Variants in PXT1 observed in about 807,000 individuals in gnomAD.
PXT1 encodes peroxisomal testis enriched protein 1.
Under a neutral mutation model 11.0 loss-of-function variants are expected in PXT1, and 11 were observed. The ratio of observed to expected loss-of-function variants is 1.00; its 90% confidence interval spans 0.63 to 1.66. The LOEUF is 1.66. Ranked by LOEUF, PXT1 falls within the 40% of genes most tolerant of loss-of-function variation. The probability of loss-of-function intolerance (pLI) is 0.00; values close to 1 mark genes in which losing one functional copy is unlikely to be tolerated. For synonymous variants in PXT1, 43 were observed against 51.4 expected, an observed-to-expected ratio of 0.84 and a Z score of 0.70; for missense variants, 141 against 155.5, an observed-to-expected ratio of 0.91 and a Z score of 0.49.
At chr6:36,417,943 T>A (rs578062058) in intron 3 of PXT1, among the ~76,000 whole-genome samples, 79 of 152,236 alleles carry the variant, frequency 5.2e-4, no homozygotes, top group African/African-American at 1.7e-3. Context: ...ATGCCTGTAA[T>A]CCCAGCACTC....
In PXT1 at chr6:36,442,826, G is replaced by C. The variant is rs1774899594; in HGVS notation, c.-421C>G. The C allele has an allele frequency of 6.6e-6, 1 of 152,206 alleles. No homozygotes were observed. The highest frequency in any genetic ancestry group is 1.5e-5 in the Non-Finnish European group (1 of 68,028). 9.4% of individuals were successfully genotyped at this position (152,206 alleles called of 1,614,324 possible). On this transcript the variant is annotated 5_prime_UTR_variant, in exon 1 of 5. Coordinates refer to ENST00000454782, the MANE Select transcript of PXT1 (RefSeq NM_152990.4). ...GGGTATGCGCAACTCAGAAAAGTGC[G>C]CCCGCTGAGGTTGGGTGCAGAGTGG... is the stretch of plus-strand genomic sequence containing the variant.
chr6:36,394,997 G>T (rs1017082859), intron 4 of PXT1, among the ~76,000 whole-genome samples: 2 of 151,300 alleles, frequency 1.3e-5, no homozygotes, highest in Non-Finnish European at 1.5e-5. Flanking sequence ...GTAGAGACAG[G>T]GATCTCAAAC....
intron 3 of PXT1, among the ~76,000 whole-genome samples, chr6:36,405,525 C>T (rs1010761704): frequency 1.9e-4 from 29 of 152,102 alleles, no homozygotes; most frequent in African/African-American, 6.8e-4. Context: ...ACTACAGGCA[C>T]GTGCCACCAC....
At chr6:36,413,686 C>T (rs954484297) in intron 3 of PXT1, among the ~76,000 whole-genome samples, 1 of 151,936 alleles carries the variant, frequency 6.6e-6, no homozygotes, top group Non-Finnish European at 1.5e-5. Context: ...CTATGCCCAG[C>T]TAAACTGTCA....
intron 3 of PXT1, among the ~76,000 whole-genome samples, chr6:36,424,626 G>A (rs150014990): frequency 0.06 from 9,101 of 152,200 alleles, 623 homozygotes; most frequent in Admixed American, 0.17. Flanking sequence ...GTGACAGTGC[G>A]AGACTCCGTC....
rs556408756 is a variant in PXT1, at chr6:36,431,739, C to T, written c.-9-5648G>A. Among the ~76,000 whole-genome samples the T allele has an allele frequency of 3.3e-5, 5 of 152,220 alleles. No homozygotes were observed. The East Asian group carries it at 9.6e-4, about 29-fold the overall frequency. ...CCAGATTGGGCTACTGCACTCCAGCCTGGGCAATAGAGTGAGACCCTGCCT... is the reference window on the plus strand; with the variant it reads ...CCAGATTGGGCTACTGCACTCCAGCTTGGGCAATAGAGTGAGACCCTGCCT... On this transcript the variant is annotated intron_variant, in intron 2 of 4. Transcript: ENST00000454782.
intron 3 of PXT1, among the ~76,000 whole-genome samples, chr6:36,417,396 A>G (rs562841769): frequency 1.3e-5 from 2 of 152,140 alleles, no homozygotes. Context: ...GAGAGGGTGC[A>G]GTATGCGCTA....
chr6:36,414,004 A>G (rs879392942), intron 3 of PXT1, among the ~76,000 whole-genome samples: 1 of 152,200 alleles, frequency 6.6e-6, no homozygotes, highest in Non-Finnish European at 1.5e-5. Flanking sequence ...GTCTCTAAAA[A>G]CATAAAAATA....
chr6:36,403,516 G>A (rs1774242814), intron 3 of PXT1, among the ~76,000 whole-genome samples: 1 of 152,316 alleles, frequency 6.6e-6, no homozygotes, highest in South Asian at 2.1e-4. Flanking sequence ...TGGAGAGAGG[G>A]CAGGTGTGGA....
At chr6:36,418,786 C>T (rs952685340) in intron 3 of PXT1, among the ~76,000 whole-genome samples, 3 of 152,142 alleles carry the variant, frequency 2.0e-5, no homozygotes, top group African/African-American at 4.8e-5. Context: ...TCACTTCCAC[C>T]GTTACACTCC....
At chr6:36,393,480 A>G (rs1774099151) in intron 4 of PXT1, 1 of 152,744 alleles carries the variant, frequency 6.5e-6, no homozygotes, top group Admixed American at 6.6e-5. Context: ...CATGCCTGTA[A>G]GCACTTTGGG....
At chr6:36,434,514 A>G (rs1774735891) in intron 2 of PXT1, among the ~76,000 whole-genome samples, 1 of 152,220 alleles carries the variant, frequency 6.6e-6, no homozygotes, top group African/African-American at 2.4e-5. Flanking sequence ...AGTTGAATCC[A>G]ACCAAATGAG....
At chr6:36,431,773 T>C (rs1486346763) in intron 2 of PXT1, among the ~76,000 whole-genome samples, 3 of 151,580 alleles carry the variant, frequency 2.0e-5, no homozygotes, top group Non-Finnish European at 2.9e-5. Flanking sequence ...CTAAAAAATA[T>C]ATATCTATCT....
chr6:36,398,777 A>C (rs78342394), intron 4 of PXT1, among the ~76,000 whole-genome samples: 1,983 of 152,106 alleles, frequency 0.013, 44 homozygotes, highest in African/African-American at 0.045. Context: ...TAGCTCCTTC[A>C]TTTCCAGGCT....
chr6:36,391,863 C>T lies in PXT1; in HGVS notation c.312G>A (p.Gln104=), dbSNP rs776786350. 2 of 1,607,794 alleles carry T rather than the reference C, an allele frequency of 1.2e-6. No individual in the cohort carries two copies. The highest frequency in any genetic ancestry group is 1.7e-6 in the Non-Finnish European group (2 of 1,176,482). ...DHRMVREDLQ[Q]DGRDALDHFV... is the part of the protein sequence containing the mutation. Reference sequence around the variant, plus strand: ...AATGATCTAGTGCATCTCTGCCATCCTGTTGAAGATCCTATTTGAAAAAAG... The same window carrying T: ...AATGATCTAGTGCATCTCTGCCATCTTGTTGAAGATCCTATTTGAAAAAAG... Residue 104 remains glutamine, a synonymous_variant, in exon 5 of 5, where the codon CAG becomes CAA. Coordinates refer to ENST00000454782, the MANE Select transcript of PXT1 (RefSeq NM_152990.4).
intron 3 of PXT1, among the ~76,000 whole-genome samples, chr6:36,419,207 C>T (rs541489307): frequency 1.3e-5 from 2 of 152,310 alleles, no homozygotes; most frequent in Admixed American, 1.3e-4. Context: ...AATGGGAAGA[C>T]TGAACAAATT....
At chr6:36,394,133 A>C (rs776262471) in intron 4 of PXT1, among the ~76,000 whole-genome samples, 7 of 152,210 alleles carry the variant, frequency 4.6e-5, no homozygotes, top group Non-Finnish European at 8.8e-5. Context: ...AAACGGAATG[A>C]GTTTCCTTTC....
At chr6:36,400,357 T>C (rs1774195766) in intron 4 of PXT1, 97 bp downstream of exon 4, 1 of 1,394,514 alleles carries the variant, frequency 7.2e-7, no homozygotes. Flanking sequence ...CCATTAATTC[T>C]GATAATTCCT....
intron 3 of PXT1, among the ~76,000 whole-genome samples, chr6:36,409,215 T>A (rs1167178642): frequency 7.3e-5 from 11 of 151,626 alleles, no homozygotes; most frequent in African/African-American, 2.4e-4. Flanking sequence ...CTCACCAAAA[T>A]CAAAGTATGA....
Sources: gnomAD v4.1 joint callset for allele counts (sites outside exome capture counted in the v4.1 genomes callset) on GRCh38, gnomAD v4.1.1 for gene constraint, MANE v1.5 for transcripts, NCBI Gene and HGNC (gene_info 2026-07-23, HGNC 2026-07-21) for gene names.